Variants in PHACTR1 observed in about 807,000 individuals in gnomAD.
PHACTR1 encodes phosphatase and actin regulator 1, also known as RPEL repeat containing 1.
A neutral mutation model predicts 69.2 loss-of-function variants in PHACTR1; 16 were observed. The ratio of observed to expected loss-of-function variants is 0.23; its 90% confidence interval spans 0.16 to 0.35. PHACTR1 has a LOEUF of 0.35. PHACTR1 is among the 10% of genes least tolerant of loss of function. PHACTR1 has a pLI of 1.00. For synonymous variants in PHACTR1, 312 were observed against 284.5 expected (o/e 1.10, Z -0.97); for missense variants, 510 against 734.7 (o/e 0.69, Z 3.54).
intron 4 of PHACTR1, among the ~76,000 whole-genome samples, chr6:13,033,409 C>A (rs1295094546): frequency 6.6e-6 from 1 of 152,168 alleles, no homozygotes; most frequent in African/African-American, 2.4e-5. Context: ...AGGTTATCAT[C>A]ATACTATTAT....
intron 4 of PHACTR1, among the ~76,000 whole-genome samples, chr6:12,966,013 G>A (rs1039490871): frequency 1.3e-5 from 2 of 152,132 alleles, no homozygotes; most frequent in African/African-American, 4.8e-5. Flanking sequence ...TGGAAGAGAG[G>A]AGGCAAAGTA....
At chr6:13,223,248 AG>A (rs1464480854) in intron 8 of PHACTR1, among the ~76,000 whole-genome samples, 1 of 152,238 alleles carries the variant, frequency 6.6e-6, no homozygotes, top group Non-Finnish European at 1.5e-5. Flanking sequence ...AGTATAATCA[AG>A]GTTTAGAAAA....
chr6:12,995,525 C>A (rs1797325574), intron 4 of PHACTR1, among the ~76,000 whole-genome samples: 1 of 151,842 alleles, frequency 6.6e-6, no homozygotes, highest in Admixed American at 6.6e-5. Context: ...TTAAAGCTAA[C>A]AACATTATTA....
At chr6:12,720,268 T>C (rs370857120) in intron 3 of PHACTR1, among the ~76,000 whole-genome samples, 1 of 152,230 alleles carries the variant, frequency 6.6e-6, no homozygotes. Context: ...GAGACAATAA[T>C]GCTCCGTAGC....
At position 13,179,293 on chromosome 6, in the gene PHACTR1, A is replaced by T. The variant is rs1351062748; in HGVS notation, c.497-3226A>T. ...AGTACTGATATATAAATAGCAGGAC[A>T]TGGAGAGACTAGTCTTCAAATTCAT... On this transcript the variant is annotated intron_variant, in intron 6 of 14. Transcript: ENST00000332995. The surrounding 1 kb of genome is among the most constrained non-coding windows in gnomAD (Gnocchi z 4.2). Among the ~76,000 whole-genome samples, 1 of 152,132 alleles carries T rather than the reference A, an allele frequency of 6.6e-6. No individual in the cohort carries two copies. The highest frequency in any genetic ancestry group is 1.9e-4 in the East Asian group (1 of 5,198).
intron 12 of PHACTR1, chr6:13,280,873 G>T: frequency 2.0e-6 from 2 of 1,017,796 alleles, no homozygotes; most frequent in Non-Finnish European, 2.7e-6. Context: ...GCTACAGCCA[G>T]CACCAGGCCA....
intron 4 of PHACTR1, among the ~76,000 whole-genome samples, chr6:12,786,444 G>A (rs1055799577): frequency 6.6e-6 from 1 of 152,224 alleles, no homozygotes; most frequent in Non-Finnish European, 1.5e-5. Context: ...TGGAATGTCA[G>A]CCTGAGATTC....
At chr6:12,917,665 G>A (rs1394973513) in intron 4 of PHACTR1, among the ~76,000 whole-genome samples, 1 of 152,120 alleles carries the variant, frequency 6.6e-6, no homozygotes, top group Non-Finnish European at 1.5e-5. Context: ...AGAGGTAGGA[G>A]GTTTGCTTGA....
chr6:13,185,107 G>GGAGGTTGCCC (rs1316273759), intron 7 of PHACTR1: 1 of 945,600 alleles, frequency 1.1e-6, no homozygotes, highest in Non-Finnish European at 1.4e-6. Flanking sequence ...AGCTCTCTGG[G>GGAGGTTGCCC]GAGGTTGCCC....
chr6:13,137,297 GT>G (rs764310675), intron 5 of PHACTR1, among the ~76,000 whole-genome samples: 17 of 152,128 alleles, frequency 1.1e-4, no homozygotes, highest in Non-Finnish European at 1.8e-4. Flanking sequence ...TTTCTGCTCT[GT>G]TTTTCTTTTT....
chr6:12,897,510 C>A (rs183744946), intron 4 of PHACTR1, among the ~76,000 whole-genome samples: 1 of 152,200 alleles, frequency 6.6e-6, no homozygotes, highest in Non-Finnish European at 1.5e-5. Context: ...CTCATTATTG[C>A]CATAGGCTAT....
chr6:13,141,510 G>A (rs1338476846), intron 5 of PHACTR1, among the ~76,000 whole-genome samples: 1 of 152,126 alleles, frequency 6.6e-6, no homozygotes, highest in African/African-American at 2.4e-5. Context: ...AACAAAATCA[G>A]AAGTTGCAGT....
rs746051583 is a variant in PHACTR1, at chr6:12,836,436, CTTG to C, written c.250+86651_250+86653del. 8.2e-4 allele frequency among the ~76,000 whole-genome samples: 125 copies of C among 152,236 alleles called. No homozygotes were observed. The Middle Eastern group carries it at 0.017, about 21-fold the overall frequency. On this transcript the variant is annotated intron_variant, in intron 4 of 14. Transcript: ENST00000332995. ...GAGTATTTGTTATCAGGATTATTCCCTTGTTGTATCCTTTTATTGATGTCAATA... is the reference window on the plus strand; with the variant it reads ...GAGTATTTGTTATCAGGATTATTCCCTTGTATCCTTTTATTGATGTCAATA...
intron 4 of PHACTR1, among the ~76,000 whole-genome samples, chr6:12,976,685 C>T (rs1203231079): frequency 1.3e-5 from 2 of 152,214 alleles, no homozygotes; most frequent in South Asian, 2.1e-4. Context: ...AATCTTGCTC[C>T]GTCTACTCTG....
At chr6:13,257,845 G>A (rs898170913) in intron 10 of PHACTR1, among the ~76,000 whole-genome samples, 5 of 152,038 alleles carry the variant, frequency 3.3e-5, no homozygotes, top group South Asian at 2.1e-4. Flanking sequence ...TAGCATGCAC[G>A]TGCATCTCCT....
intron 6 of PHACTR1, among the ~76,000 whole-genome samples, chr6:13,165,816 C>T (rs1406543553): frequency 2.6e-5 from 4 of 152,090 alleles, no homozygotes. Context: ...ATTCATGAGC[C>T]CTTAAGTTCT....
chr6:13,281,035 G>C, intron 12 of PHACTR1: 1 of 1,289,598 alleles, frequency 7.8e-7, no homozygotes, highest in Non-Finnish European at 1.0e-6. Context: ...TTCCCTCTGA[G>C]CACTTGTGCT....
At chr6:13,124,660 T>G (rs948459898) in intron 5 of PHACTR1, among the ~76,000 whole-genome samples, 1 of 152,208 alleles carries the variant, frequency 6.6e-6, no homozygotes, top group African/African-American at 2.4e-5. Context: ...TCTAGGAGGC[T>G]TAAACAACAG....
intron 5 of PHACTR1, among the ~76,000 whole-genome samples, chr6:13,152,107 C>T (rs570698771): frequency 3.9e-5 from 6 of 152,142 alleles, no homozygotes; most frequent in Admixed American, 1.3e-4. Context: ...TAGAGGTGGG[C>T]GGATCATCTG....
Sources: allele counts gnomAD v4.1 joint callset (sites outside exome capture counted in the v4.1 genomes callset), GRCh38; gene constraint gnomAD v4.1.1; non-coding constraint Gnocchi (gnomAD v3.1); transcripts MANE v1.5; gene names NCBI Gene and HGNC (gene_info 2026-07-23, HGNC 2026-07-21).